Variants in CATSPER3 observed in about 807,000 individuals in gnomAD.
The protein encoded by CATSPER3 is cation channel sperm-associated protein 3.
CATSPER3 carries 23 observed loss-of-function variants against 36.6 expected under a neutral mutation model. The observed-to-expected ratio is 0.63, with a 90% CI of 0.45 to 0.89. CATSPER3 has a LOEUF of 0.89. Among genes scored for constraint, CATSPER3 ranks in the 40% least tolerant of loss-of-function variants. The pLI, the probability that CATSPER3 is intolerant of heterozygous loss-of-function variation, is 0.00. For synonymous variants in CATSPER3, 172 were observed against 184.1 expected, an observed-to-expected ratio of 0.93 and a Z score of 0.53; for missense variants, 474 against 503.9, an observed-to-expected ratio of 0.94 and a Z score of 0.57.
chr5:134,967,942 A>AT lies in CATSPER3; in HGVS notation c.-46dup. 7.2e-7 allele frequency: 1 copy of AT among 1,398,492 alleles called. No homozygotes were observed. The highest frequency in any genetic ancestry group is 1.2e-5 in the South Asian group (1 of 86,454). The allele number at this position is 1,398,492 out of a possible 1,614,324, so 86.6% of individuals were successfully genotyped here. On this transcript the variant is annotated 5_prime_UTR_variant, in exon 1 of 8. Transcript: ENST00000282611. The stretch of plus-strand genomic sequence containing the variant: ...CGCTAAGGAAAATCCCTAAGCAGAG[A>AT]TTTTCTGTTGGATGCTAAAAGCAAG...
rs1751947946 is a variant in CATSPER3, at chr5:134,996,446, G to A, written c.426G>A (p.Leu142=). 1.2e-6 allele frequency: 2 copies of A among 1,614,128 alleles called. No homozygotes were observed. Among genetic ancestry groups the A allele is most frequent in the Non-Finnish European group, 1.7e-6 (2 of 1,179,948 alleles). Reference sequence around the variant, plus strand: ...TCATGGGCAAACAGTTCACTTACCTGTATATCGCTGATGGCATGCAGTCCC... The same window carrying A: ...TCATGGGCAAACAGTTCACTTACCTATATATCGCTGATGGCATGCAGTCCC... ...RQLMGKQFTY[L]YIADGMQSLR... Residue 142 remains leucine (L), a synonymous_variant, in exon 3 of 8, where the codon CTG becomes CTA. Coordinates refer to ENST00000282611, the MANE Select transcript of CATSPER3 (RefSeq NM_178019.3).
Position 135,008,005 on chromosome 5 carries a change from C to T in CATSPER3, c.541C>T (p.Leu181Phe), listed in dbSNP as rs1205791044. The change falls in exon 4 of 8, where the codon CTC (leucine) becomes TTC (phenylalanine). Residue 181 changes from leucine (L) to phenylalanine (F), a missense_variant. Coordinates refer to ENST00000282611, the MANE Select transcript of CATSPER3 (RefSeq NM_178019.3). ...GACAGTCTACACCGTGGCCTCTGTGCTCCTCCTGCTCTTCCTCCTCATGTA... is the reference window on the plus strand; with the variant it reads ...GACAGTCTACACCGTGGCCTCTGTGTTCCTCCTGCTCTTCCTCCTCATGTA... The part of the protein sequence containing the change: ...GQTVYTVASV[L>F]LLLFLLMYIF... The T allele has an allele frequency of 6.2e-7, 1 of 1,614,122 alleles. No homozygotes were observed. The highest frequency in any genetic ancestry group is 8.5e-7 in the Non-Finnish European group (1 of 1,179,954).
intron 1 of CATSPER3, chr5:134,969,254 T>C (rs1456737518): frequency 6.6e-6 from 1 of 152,538 alleles, no homozygotes; most frequent in African/African-American, 2.4e-5. Context: ...CTCAGGCTTT[T>C]CAAAAGAGCT....
At chr5:134,988,599 G>A (rs1015165298) in intron 2 of CATSPER3, among the ~76,000 whole-genome samples, 1 of 152,182 alleles carries the variant, frequency 6.6e-6, no homozygotes, top group Non-Finnish European at 1.5e-5. Flanking sequence ...CCCATGAAAA[G>A]CAACTCCTCA....
chr5:135,007,971 C>A lies in CATSPER3; in HGVS notation c.507C>A (p.Ala169=). Residue 169 remains alanine, a synonymous_variant, in exon 4 of 8, where the codon GCC becomes GCA. Transcript: ENST00000282611. Reference sequence around the variant, plus strand: ...CTGCCTTGCAGACGCTGATCACCGCCGTGGGGCAGACAGTCTACACCGTGG... The same window carrying A: ...CTGCCTTGCAGACGCTGATCACCGCAGTGGGGCAGACAGTCTACACCGTGG... The part of the protein sequence containing the change: ...YSQGIRTLIT[A]VGQTVYTVAS... The A allele has an allele frequency of 6.2e-7, 1 of 1,613,758 alleles. No homozygotes were observed. The highest frequency in any genetic ancestry group is 8.5e-7 in the Non-Finnish European group (1 of 1,179,920).
intron 3 of CATSPER3, 100 bp downstream of exon 3, chr5:134,996,612 T>C: frequency 8.3e-7 from 1 of 1,208,908 alleles, no homozygotes. Context: ...CATCTTCCAG[T>C]TGTTGAGTCC....
intron 2 of CATSPER3, among the ~76,000 whole-genome samples, chr5:134,987,468 C>T (rs1327112130): frequency 2.6e-5 from 4 of 152,154 alleles, no homozygotes; most frequent in Non-Finnish European, 2.9e-5. Flanking sequence ...GGGAAGACTT[C>T]TGAGCTCATC....
intron 2 of CATSPER3, among the ~76,000 whole-genome samples, chr5:134,971,864 A>G (rs1751611402): frequency 6.6e-6 from 1 of 152,250 alleles, no homozygotes; most frequent in Non-Finnish European, 1.5e-5. Flanking sequence ...GGATACCTCA[A>G]AAATCAAGCT....
chr5:134,991,254 AAT>A (rs1231237283), intron 2 of CATSPER3, among the ~76,000 whole-genome samples: 1 of 152,240 alleles, frequency 6.6e-6, no homozygotes, highest in African/African-American at 2.4e-5. Flanking sequence ...TCAAAATTCC[AAT>A]AGTGTTTTTT....
intron 3 of CATSPER3, among the ~76,000 whole-genome samples, chr5:135,007,005 T>C (rs968254836): frequency 1.3e-5 from 2 of 152,152 alleles, no homozygotes; most frequent in Non-Finnish European, 2.9e-5. Flanking sequence ...CCAGGGCTCT[T>C]GGACTGCCTC....
rs7719874 is a variant in CATSPER3 at position 135,011,551 on chromosome 5, T to C, written c.1125T>C (p.His375=). ...KLQELYYEIV[H]VLSLMLEDLP... is the part of the protein sequence containing the mutation. ...AAGAGCTGTACTATGAGATCGTGCATGTGCTGAGCCTAATGCTGGAAGACT... is the reference window on the plus strand; with the variant it reads ...AAGAGCTGTACTATGAGATCGTGCACGTGCTGAGCCTAATGCTGGAAGACT... Residue 375 remains histidine (H), a synonymous_variant, in exon 8 of 8, where the codon CAT becomes CAC. Coordinates refer to ENST00000282611, the MANE Select transcript of CATSPER3 (RefSeq NM_178019.3). The C allele has an allele frequency of 0.011, 16,969 of 1,613,988 alleles. 1,434 individuals carry two copies. In the African/African-American group the frequency reaches 0.19, roughly 18 times the overall value.
rs149902697 is a variant in CATSPER3, at chr5:134,995,668, G to C, written c.253-605G>C. The stretch of plus-strand genomic sequence containing the variant: ...TGGGTGCTCAGTCACAGCTCTTCCA[G>C]TGAATGAATGGATTTGCATGATAGT... On this transcript the variant is annotated intron_variant, in intron 2 of 7. Coordinates refer to ENST00000282611, the MANE Select transcript of CATSPER3 (RefSeq NM_178019.3). The C allele has an allele frequency of 1.5e-4, 25 of 165,962 alleles. No homozygotes were observed. In the East Asian group the frequency reaches 3.8e-3, roughly 25 times the overall value. The allele number at this position is 165,962 out of a possible 1,614,324, so 10.3% of individuals were successfully genotyped here.
intron 2 of CATSPER3, among the ~76,000 whole-genome samples, chr5:134,989,966 C>T (rs985918109): frequency 3.3e-5 from 5 of 152,034 alleles, no homozygotes. Flanking sequence ...GACCTAACTT[C>T]AATATTGTTA....
intron 5 of CATSPER3, among the ~76,000 whole-genome samples, 189 bp from the exon 6 acceptor site, chr5:135,009,182 T>A (rs1360605767): frequency 6.6e-6 from 1 of 152,170 alleles, no homozygotes; most frequent in Non-Finnish European, 1.5e-5. Context: ...CTGATGGTGG[T>A]CAACAGGACG....
intron 2 of CATSPER3, among the ~76,000 whole-genome samples, chr5:134,986,156 T>TC (rs1751805929): frequency 6.6e-6 from 1 of 152,028 alleles, no homozygotes. Context: ...CTTTTTTTTT[T>TC]TTTCTGAGAT....
chr5:134,984,819 A>ATTT (rs34859369), intron 2 of CATSPER3, among the ~76,000 whole-genome samples: 25 of 144,948 alleles, frequency 1.7e-4, no homozygotes, highest in African/African-American at 5.1e-4. Flanking sequence ...ACCTGCATGC[A>ATTT]TTTTTTTTTT....
intron 3 of CATSPER3, among the ~76,000 whole-genome samples, chr5:135,007,490 C>T (rs551171924): frequency 6.6e-6 from 1 of 152,278 alleles, no homozygotes; most frequent in Non-Finnish European, 1.5e-5. Context: ...AAGACGGGGT[C>T]GACAAGGACC....
chr5:134,998,274 A>G (rs1561462829), intron 3 of CATSPER3, among the ~76,000 whole-genome samples: 2 of 152,202 alleles, frequency 1.3e-5, no homozygotes, highest in Non-Finnish European at 2.9e-5. Context: ...GCTGCATAGT[A>G]TTCCGTGGTG....
chr5:134,987,057 A>G lies in CATSPER3; in HGVS notation c.253-9216A>G, dbSNP rs978718555. 5.3e-5 allele frequency among the ~76,000 whole-genome samples: 8 copies of G among 152,330 alleles called. No homozygotes were observed. In the East Asian group the frequency reaches 1.5e-3, roughly 29 times the overall value. On this transcript the variant is annotated intron_variant, in intron 2 of 7. Coordinates refer to ENST00000282611, the MANE Select transcript of CATSPER3 (RefSeq NM_178019.3). ...AATAGAGGGTAGAGGAACAATAGAGAAAATGAACAAAATCAAAAGTTGGTT... is the reference window on the plus strand; with the variant it reads ...AATAGAGGGTAGAGGAACAATAGAGGAAATGAACAAAATCAAAAGTTGGTT...
Sources: gnomAD v4.1 joint callset for allele counts (sites outside exome capture counted in the v4.1 genomes callset) on GRCh38, gnomAD v4.1.1 for gene constraint, MANE v1.5 for transcripts, NCBI Gene and HGNC (gene_info 2026-07-23, HGNC 2026-07-21) for gene names.